Variants in FAAH2 observed in about 807,000 individuals in gnomAD.
FAAH2 encodes fatty-acid amide hydrolase 2.
A neutral mutation model predicts 36.9 loss-of-function variants in FAAH2; 60 were observed. The observed-to-expected ratio is 1.63, with a 90% confidence interval of 1.32 to 2.02. The LOEUF is 2.02. Ranked by LOEUF, FAAH2 falls within the 30% of genes most tolerant of loss-of-function variation. FAAH2 has a pLI of 0.00. For missense variants in FAAH2, 689 were observed against 397.5 expected, an observed-to-expected ratio of 1.73 and a Z score of -6.23; for synonymous variants, 214 against 143.8, an observed-to-expected ratio of 1.49 and a Z score of -3.49.
intron 4 of FAAH2, among the ~76,000 whole-genome samples, chrX:57,338,062 T>A (rs2053597829): frequency 8.9e-6 from 1 of 111,896 alleles, no homozygotes; most frequent in Non-Finnish European, 1.9e-5. Flanking sequence ...AAAGTCTCAG[T>A]TTCATGAACG....
chrX:57,148,953 G>A, the FAAH2 span, among the ~76,000 whole-genome samples: 1 of 111,782 alleles, frequency 8.9e-6, no homozygotes, highest in Non-Finnish European at 1.9e-5. Flanking sequence ...AATTTATTGA[G>A]AGTTTTTAGC....
chrX:57,486,486 T>A (rs1412001020), intron 10 of FAAH2, among the ~76,000 whole-genome samples: 1 of 111,806 alleles, frequency 8.9e-6, no homozygotes, highest in South Asian at 3.7e-4. Flanking sequence ...GCAGTCCTGT[T>A]GGCTGTTTTC....
chrX:57,409,198 A>T (rs763086918), intron 7 of FAAH2, among the ~76,000 whole-genome samples: 35 of 111,858 alleles, frequency 3.1e-4, no homozygotes, highest in African/African-American at 1.1e-3. Flanking sequence ...TATTGACCAA[A>T]ACATCATATG....
At chrX:57,223,224 T>A in the FAAH2 span, among the ~76,000 whole-genome samples, 2 of 111,489 alleles carry the variant, frequency 1.8e-5, 1 homozygote, top group South Asian at 7.6e-4. Flanking sequence ...CCCCGGATGA[T>A]CCTATATCAG....
intron 8 of FAAH2, among the ~76,000 whole-genome samples, chrX:57,446,182 A>G (rs1355985297): frequency 1.8e-5 from 2 of 112,488 alleles, no homozygotes; most frequent in Non-Finnish European, 1.9e-5. Flanking sequence ...TGAGGTGCTG[A>G]TGGACAATGA....
chrX:57,289,560 G>A (rs971648284), intron 1 of FAAH2, among the ~76,000 whole-genome samples: 32 of 110,782 alleles, frequency 2.9e-4, no homozygotes, highest in African/African-American at 1.0e-3. Flanking sequence ...AGGAGACAAG[G>A]GTGGAAAGAG....
chrX:57,241,658 C>T, the FAAH2 span, among the ~76,000 whole-genome samples: 1 of 111,720 alleles, frequency 9.0e-6, no homozygotes, highest in South Asian at 3.7e-4. Flanking sequence ...GCAGTATACA[C>T]TGTACTCAAT....
chrX:57,204,014 A>G, the FAAH2 span, among the ~76,000 whole-genome samples: 1 of 111,573 alleles, frequency 9.0e-6, no homozygotes, highest in African/African-American at 3.3e-5. Flanking sequence ...CATTTCTACC[A>G]TCTGACTGTT....
intron 2 of FAAH2, among the ~76,000 whole-genome samples, chrX:57,309,033 G>C: frequency 8.9e-6 from 1 of 111,785 alleles, no homozygotes; most frequent in Non-Finnish European, 1.9e-5. Context: ...TTTCCAGTGA[G>C]CCCAAAGATA....
At chrX:57,360,205 T>C (rs183282696) in intron 5 of FAAH2, among the ~76,000 whole-genome samples, 10 of 110,500 alleles carry the variant, frequency 9.0e-5, no homozygotes, top group Non-Finnish European at 1.7e-4. Context: ...TTTTAGCTTT[T>C]CCCATTTTTA....
intron 2 of FAAH2, among the ~76,000 whole-genome samples, chrX:57,308,008 T>G (rs62598766): frequency 9.0e-6 from 1 of 111,571 alleles, no homozygotes; most frequent in Non-Finnish European, 1.9e-5. Flanking sequence ...TATTCCATGA[T>G]GCATATACAC....
intron 10 of FAAH2, among the ~76,000 whole-genome samples, chrX:57,479,640 T>C: frequency 9.0e-6 from 1 of 111,719 alleles, no homozygotes; most frequent in South Asian, 3.8e-4. Flanking sequence ...AGATAGCTCT[T>C]ATTATTTTGA....
intron 8 of FAAH2, among the ~76,000 whole-genome samples, chrX:57,439,349 C>T (rs1405228529): frequency 1.8e-5 from 2 of 111,573 alleles, no homozygotes; most frequent in Non-Finnish European, 3.8e-5. Context: ...TCTCTGATGG[C>T]CAGTGATGAT....
chrX:57,455,571 A>G (rs1165230363), intron 10 of FAAH2, among the ~76,000 whole-genome samples: 1 of 111,927 alleles, frequency 8.9e-6, no homozygotes, highest in Non-Finnish European at 1.9e-5. Context: ...CTGCAATGAC[A>G]CCCACAAGTT....
At chrX:57,300,227 C>G (rs2052305637) in intron 2 of FAAH2, among the ~76,000 whole-genome samples, 1 of 111,541 alleles carries the variant, frequency 9.0e-6, no homozygotes, top group South Asian at 3.8e-4. Context: ...CTACAGTAAT[C>G]AAAACAGTAT....
At chrX:57,322,604 C>T (rs2053063471) in intron 3 of FAAH2, among the ~76,000 whole-genome samples, 2 of 110,948 alleles carry the variant, frequency 1.8e-5, no homozygotes, top group Admixed American at 1.9e-4. Flanking sequence ...TTCTAATTTG[C>T]CTTCTTTCTC....
intron 2 of FAAH2, among the ~76,000 whole-genome samples, chrX:57,298,874 G>A (rs1041823126): frequency 5.6e-4 from 60 of 107,130 alleles, no homozygotes; most frequent in Non-Finnish European, 1.0e-3. Context: ...TAAATTCCTC[G>A]ACACCTACAC....
the FAAH2 span, among the ~76,000 whole-genome samples, chrX:57,254,261 C>T: frequency 3.4e-4 from 38 of 111,834 alleles, no homozygotes; most frequent in Non-Finnish European, 6.0e-4. Flanking sequence ...CAGGAGCACC[C>T]AGATTCATAA....
At chrX:57,403,870 G>A (rs2055500780) in intron 7 of FAAH2, among the ~76,000 whole-genome samples, 1 of 112,384 alleles carries the variant, frequency 8.9e-6, no homozygotes, top group African/African-American at 3.2e-5. Flanking sequence ...TGGGTTAACG[G>A]AATTTTCTGT....
Sources: gnomAD v4.1 joint callset for allele counts (sites outside exome capture counted in the v4.1 genomes callset) on GRCh38, gnomAD v4.1.1 for gene constraint, MANE v1.5 for transcripts, NCBI Gene and HGNC (gene_info 2026-07-23, HGNC 2026-07-21) for gene names.